TRRAP: variants seen among roughly 807,000 people sequenced by gnomAD.
TRRAP encodes the protein transformation/transcription domain-associated protein.
Under a neutral mutation model 438.8 loss-of-function variants are expected in TRRAP, and 41 were observed. The observed-to-expected ratio is 0.09, with a 90% CI of 0.07 to 0.12. The LOEUF is 0.12. Among genes scored for constraint, TRRAP ranks in the 10% least tolerant of loss-of-function variants. The pLI is 1.00. For synonymous variants in TRRAP, 1,994 were observed against 1,962.9 expected, an observed-to-expected ratio of 1.02 and a Z score of -0.42; for missense variants, 3,122 against 5,055.1, an observed-to-expected ratio of 0.62 and a Z score of 11.60.
In TRRAP at chr7:98,948,398, C is replaced by G; in HGVS notation, c.4668+58C>G. 6.2e-7 allele frequency: 1 copy of G among 1,612,096 alleles called. No individual in the cohort carries two copies. The highest frequency in any genetic ancestry group is 8.5e-7 in the Non-Finnish European group (1 of 1,178,894). On this transcript the variant is annotated intron_variant, in intron 34 of 72. Coordinates refer to ENST00000456197, the MANE Select transcript of TRRAP (RefSeq NM_001375524.1). This position sits in a 1 kb window ranked among gnomAD's most constrained non-coding sequence, Gnocchi z 4.9. ...TGCCACCCTCCGGTGCTTATAGCGT[C>G]CTCACTTGATCGTATTTTCAATGGA...
chr7:98,992,225 G>A lies in TRRAP; in HGVS notation c.9845G>A (p.Ser3282Asn). 1.9e-6 allele frequency: 3 copies of A among 1,614,060 alleles called. No individual in the cohort carries two copies. The highest frequency in any genetic ancestry group is 2.5e-6 in the Non-Finnish European group (3 of 1,180,032). Residue 3282 changes from serine to asparagine, a missense_variant and splice_region_variant, in exon 65 of 73, where the codon AGC (serine) becomes AAC (asparagine). Physicochemically the swap from Ser to Asn is conservative, Grantham distance 46 (BLOSUM62 1). Around this residue, in one of 24 missense-constraint regions of TRRAP, gnomAD observed 107 missense variants for 327.5 expected, o/e 0.33. Coordinates refer to ENST00000456197, the MANE Select transcript of TRRAP (RefSeq NM_001375524.1). The part of the protein sequence containing the change: ...LKIEQRERYK[S>N]DSGQQQPSSV... Reference sequence around the variant, plus strand: ...ATAGAACAGCGGGAACGCTACAAGAGCGGTACGTCTCGGGTGGGGCCGGTA... The same window carrying A: ...ATAGAACAGCGGGAACGCTACAAGAACGGTACGTCTCGGGTGGGGCCGGTA...
Position 98,976,885 on chromosome 7 carries a change from G to C in TRRAP, c.8248-54G>C, listed in dbSNP as rs1792684815. 4 of 1,605,654 alleles carry C rather than the reference G, an allele frequency of 2.5e-6. No individual in the cohort carries two copies. The highest frequency in any genetic ancestry group is 1.7e-6 in the Non-Finnish European group (2 of 1,175,510). On this transcript the variant is annotated intron_variant, in intron 55 of 72. Coordinates refer to ENST00000456197, the MANE Select transcript of TRRAP (RefSeq NM_001375524.1). The surrounding 1 kb of genome is among the most constrained non-coding windows in gnomAD (Gnocchi z 4.6). ...ACAGCACAGTGAAACTATTTTTAGG[G>C]GGGAAAAAAAGTCTCTGTCTCAAGC...
Position 99,011,327 on chromosome 7 carries a change from C to G in TRRAP, c.11143-14C>G. On this transcript the variant is annotated splice_polypyrimidine_tract_variant and intron_variant, in intron 71 of 72. Transcript: ENST00000456197. This position sits in a 1 kb window ranked among gnomAD's most constrained non-coding sequence, Gnocchi z 7.1. ...TCTGCTGAAGTTCCTAAAGTGTCTC[C>G]TTCTGAAATTTAGGACACTGGCAAA... The G allele has an allele frequency of 1.2e-6, 2 of 1,613,294 alleles. No individual in the cohort carries two copies. Among genetic ancestry groups the G allele is most frequent in the Non-Finnish European group, 1.7e-6 (2 of 1,179,296 alleles).
intron 30 of TRRAP, among the ~76,000 whole-genome samples, chr7:98,938,833 G>A (rs1214943108): frequency 1.3e-5 from 2 of 152,204 alleles, no homozygotes; most frequent in East Asian, 1.9e-4. Flanking sequence ...AAGAATGTAT[G>A]CATTTTAATC....
rs782528292 is a variant in TRRAP at position 98,956,203 on chromosome 7, C to A, written c.5995C>A (p.Leu1999Met). The A allele has an allele frequency of 6.2e-7, 1 of 1,613,334 alleles. No individual in the cohort carries two copies. Among genetic ancestry groups the A allele is most frequent in the Admixed American group, 1.7e-5 (1 of 59,998 alleles). Residue 1999 changes from leucine to methionine, a missense_variant, in exon 42 of 73, where the codon CTG becomes ATG. Coordinates refer to ENST00000456197, the MANE Select transcript of TRRAP (RefSeq NM_001375524.1). The surrounding 1 kb of genome is among the most constrained non-coding windows in gnomAD (Gnocchi z 4.5). ...VQHMVSAMQR[L>M]GFTPSVTIEQ... is the part of the protein sequence containing the mutation. The stretch of plus-strand genomic sequence containing the variant: ...GCACATGGTGAGCGCCATGCAGAGG[C>A]TGGGCTTCACGCCCAGTGTCACCAT...
intron 4 of TRRAP, 50 bp downstream of exon 4, chr7:98,890,495 C>A (rs782028561): frequency 7.4e-7 from 1 of 1,359,278 alleles, no homozygotes; most frequent in Non-Finnish European, 1.0e-6. Context: ...GGGATTGTGA[C>A]CAGTTACGAA....
chr7:98,992,055 A>G lies in TRRAP; in HGVS notation c.9757-82A>G, dbSNP rs966805253. On this transcript the variant is annotated intron_variant, in intron 64 of 72. Coordinates refer to ENST00000456197, the MANE Select transcript of TRRAP (RefSeq NM_001375524.1). ...ATCAGACACCTGTTTCTGACTTGAC[A>G]TTGGTTATTTTCAGTACAAATTATC... The G allele has an allele frequency of 1.6e-5, 23 of 1,483,104 alleles. 1 individual carries two copies. In the South Asian group the frequency reaches 2.2e-4, roughly 14 times the overall value. 91.9% of individuals were successfully genotyped at this position (1,483,104 alleles called of 1,614,324 possible).
At chr7:98,978,496 A>G (rs990343712) in intron 57 of TRRAP, among the ~76,000 whole-genome samples, 173 bp downstream of exon 57, 1 of 152,222 alleles carries the variant, frequency 6.6e-6, no homozygotes, top group African/African-American at 2.4e-5. Flanking sequence ...GTAATTAAAC[A>G]AGTCAACTGG....
rs572588835 is a variant in TRRAP at position 98,976,777 on chromosome 7, G to T, written c.8247+7G>T. 1.2e-6 allele frequency: 2 copies of T among 1,611,346 alleles called. No individual in the cohort carries two copies. Among genetic ancestry groups the T allele is most frequent in the Admixed American group, 3.3e-5 (2 of 59,970 alleles). On this transcript the variant is annotated splice_region_variant and intron_variant, in intron 55 of 72. Transcript: ENST00000456197. The surrounding 1 kb of genome is among the most constrained non-coding windows in gnomAD (Gnocchi z 4.6). Reference sequence around the variant, plus strand: ...CATCACCCCGCCGCAGCAGGTGAGGGTGCGCCTCAGTTTGTTAATTACCTC... The same window carrying T: ...CATCACCCCGCCGCAGCAGGTGAGGTTGCGCCTCAGTTTGTTAATTACCTC...
At chr7:98,944,133 A>G (rs1790932323) in intron 31 of TRRAP, among the ~76,000 whole-genome samples, 1 of 152,208 alleles carries the variant, frequency 6.6e-6, no homozygotes. Context: ...GAGTATATTA[A>G]TGAGCCCAGG....
chr7:99,007,141 G>T (rs2116868196), intron 69 of TRRAP, among the ~76,000 whole-genome samples: 1 of 152,346 alleles, frequency 6.6e-6, no homozygotes, highest in Admixed American at 6.5e-5. Context: ...GGTTGATGCT[G>T]GTTGCTTTCC....
intron 1 of TRRAP, 93 bp from the exon 2 acceptor site, chr7:98,880,997 G>A (rs959253882): frequency 3.2e-5 from 15 of 471,724 alleles, no homozygotes; most frequent in Admixed American, 4.1e-5. Context: ...AGATGAAAGC[G>A]TATCGATTAT....
intron 46 of TRRAP, 90 bp from the exon 47 acceptor site, chr7:98,962,212 T>TA: frequency 6.3e-7 from 1 of 1,590,178 alleles, no homozygotes; most frequent in South Asian, 1.1e-5. Flanking sequence ...TCCCTCCTGA[T>TA]ACCCAAGCAG....
At chr7:98,935,224 C>T (rs892391617) in intron 27 of TRRAP, among the ~76,000 whole-genome samples, 105 of 151,978 alleles carry the variant, frequency 6.9e-4, no homozygotes, top group African/African-American at 2.4e-3. Context: ...GGAGGCTGAT[C>T]TGAACCAGGA....
In TRRAP at chr7:98,931,529, A is replaced by T; in HGVS notation, c.3716A>T (p.His1239Leu). 6.2e-7 allele frequency: 1 copy of T among 1,614,158 alleles called. No individual in the cohort carries two copies. ...GTGGCCGCCCAGGAAAAGTCTTTCCACCATGTGACACACGACTTGGTTCGA... is the reference window on the plus strand; with the variant it reads ...GTGGCCGCCCAGGAAAAGTCTTTCCTCCATGTGACACACGACTTGGTTCGA... ...EIVAAQEKSF[H>L]HVTHDLVREV... Residue 1239 changes from histidine to leucine, a missense_variant, in exon 26 of 73, where the codon CAC (histidine) becomes CTC (leucine). By Grantham distance (99) the His-to-Leu change is moderately conservative (BLOSUM62 -3). Around this residue, in one of 24 missense-constraint regions of TRRAP, gnomAD observed 153 missense variants for 223.0 expected, o/e 0.69. Transcript: ENST00000456197.
Position 98,908,348 on chromosome 7 carries a change from G to A in TRRAP, c.1116-380G>A, listed in dbSNP as rs1554407874. Among the ~76,000 whole-genome samples, 1 of 152,156 alleles carries A rather than the reference G, an allele frequency of 6.6e-6. No homozygotes were observed. Among genetic ancestry groups the A allele is most frequent in the African/African-American group, 2.4e-5 (1 of 41,430 alleles). ...AACTAGTAGCCTGAAAATTCTTACTGTGTCTCTGTAAAGTGGTCATCATAT... is the reference window on the plus strand; with the variant it reads ...AACTAGTAGCCTGAAAATTCTTACTATGTCTCTGTAAAGTGGTCATCATAT... On this transcript the variant is annotated intron_variant, in intron 13 of 72. Coordinates refer to ENST00000456197, the MANE Select transcript of TRRAP (RefSeq NM_001375524.1). The surrounding 1 kb of genome is among the most constrained non-coding windows in gnomAD (Gnocchi z 4.1).
intron 2 of TRRAP, 60 bp from the exon 3 acceptor site, chr7:98,881,915 C>T: frequency 1.3e-6 from 2 of 1,554,138 alleles, no homozygotes; most frequent in East Asian, 2.3e-5. Flanking sequence ...CCAAGTTTTG[C>T]ATTAACATAA....
intron 51 of TRRAP, among the ~76,000 whole-genome samples, chr7:98,968,123 ATTG>A (rs1429567532): frequency 2.6e-5 from 4 of 151,928 alleles, no homozygotes; most frequent in Admixed American, 6.6e-5. Flanking sequence ...GGTTTAAGCA[ATTG>A]TTGTGCCCCA....
At chr7:98,983,514 G>T in intron 60 of TRRAP, 55 bp downstream of exon 60, 2 of 1,598,048 alleles carry the variant, frequency 1.3e-6, no homozygotes, top group South Asian at 2.2e-5. Flanking sequence ...GACGCCCCAC[G>T]GTTCTGGTTT....
Sources: allele counts gnomAD v4.1 joint callset (sites outside exome capture counted in the v4.1 genomes callset), GRCh38; gene constraint gnomAD v4.1.1; regional missense constraint gnomAD v4.1.1; non-coding constraint Gnocchi (gnomAD v3.1); transcripts MANE v1.5; gene names NCBI Gene and HGNC (gene_info 2026-07-23, HGNC 2026-07-21).